PDE1A: variants seen among roughly 807,000 people sequenced by gnomAD.
PDE1A encodes phosphodiesterase 1A, also known as dual specificity calcium/calmodulin-dependent 3',5'-cyclic nucleotide phosphodiesterase 1A.
Under a neutral mutation model 61.7 loss-of-function variants are expected in PDE1A, and 35 were observed. That is an observed-to-expected ratio of 0.57 (90% CI 0.43 to 0.75). The LOEUF (loss-of-function observed/expected upper bound fraction) is 0.75. Ranked by LOEUF, PDE1A falls within the 30% of genes least tolerant of loss-of-function variation. The pLI is 0.00. For synonymous variants in PDE1A, 232 were observed against 213.2 expected (o/e 1.09, Z -0.77); for missense variants, 597 against 630.6 (o/e 0.95, Z 0.57).
At chr2:182,661,650 T>G in the PDE1A span, among the ~76,000 whole-genome samples, 2 of 152,130 alleles carry the variant, frequency 1.3e-5, no homozygotes, top group African/African-American at 2.4e-5. Context: ...TATCAGACAA[T>G]GTGACCACCT....
At chr2:182,320,994 A>G (rs910746746) in intron 1 of PDE1A, among the ~76,000 whole-genome samples, 1 of 152,202 alleles carries the variant, frequency 6.6e-6, no homozygotes, top group Non-Finnish European at 1.5e-5. Flanking sequence ...TAATGTATCT[A>G]TTTACACATT....
chr2:182,212,187 C>A lies in PDE1A; in HGVS notation c.777-6122G>T, dbSNP rs999335424. 5.2e-5 allele frequency among the ~76,000 whole-genome samples: 5 copies of A among 96,772 alleles called. No homozygotes were observed. The East Asian group carries it at 1.7e-3, about 33-fold the overall frequency. The allele number at this position is 96,772 out of a possible 152,430, so 63.5% of individuals were successfully genotyped here. On this transcript the variant is annotated intron_variant, in intron 7 of 13. Transcript: ENST00000351439. ...TTTGAATTATTTACTTTTTAATTGACAATTAAAATTATATATATTACGTAC... is the reference window on the plus strand; with the variant it reads ...TTTGAATTATTTACTTTTTAATTGAAAATTAAAATTATATATATTACGTAC...
chr2:182,607,741 A>C, the PDE1A span, among the ~76,000 whole-genome samples: 2 of 152,344 alleles, frequency 1.3e-5, no homozygotes, highest in African/African-American at 4.8e-5. Context: ...TTACAGGATG[A>C]GTTCTCATAG....
At chr2:182,667,310 A>T in the PDE1A span, among the ~76,000 whole-genome samples, 3 of 152,182 alleles carry the variant, frequency 2.0e-5, no homozygotes, top group Admixed American at 6.5e-5. Flanking sequence ...GCCAGCCTTT[A>T]TAACAAATAT....
chr2:182,633,083 C>A, the PDE1A span, among the ~76,000 whole-genome samples: 2 of 152,068 alleles, frequency 1.3e-5, no homozygotes, highest in Non-Finnish European at 2.9e-5. Context: ...TTTGCTCCAA[C>A]CAAAACAAAG....
the PDE1A span, among the ~76,000 whole-genome samples, chr2:182,688,043 T>C: frequency 6.6e-6 from 1 of 152,158 alleles, no homozygotes; most frequent in African/African-American, 2.4e-5. Flanking sequence ...AGACCAAATC[T>C]AGGTCTGACT....
intron 13 of PDE1A, among the ~76,000 whole-genome samples, chr2:182,156,366 C>T (rs1159755417): frequency 1.3e-5 from 2 of 150,838 alleles, no homozygotes; most frequent in East Asian, 1.9e-4. Context: ...TTTTTTTTTA[C>T]CCAAGGTCAT....
chr2:182,205,816 T>A (rs576681136), intron 8 of PDE1A, 124 bp downstream of exon 8: 1 of 784,470 alleles, frequency 1.3e-6, no homozygotes, highest in Non-Finnish European at 2.0e-6. Context: ...AGTCATCCAG[T>A]CGACAGTAAT....
chr2:182,344,148 A>T (rs1400773919), intron 1 of PDE1A, among the ~76,000 whole-genome samples: 1 of 152,176 alleles, frequency 6.6e-6, no homozygotes, highest in Non-Finnish European at 1.5e-5. Context: ...CTGGTATTAC[A>T]GGCATGAGAA....
intron 2 of PDE1A, among the ~76,000 whole-genome samples, chr2:182,244,861 TTGTATGTC>T (rs1690833746): frequency 6.6e-6 from 1 of 152,216 alleles, no homozygotes; most frequent in Non-Finnish European, 1.5e-5. Context: ...ATGAGTTCAG[TTGTATGTC>T]TCTGTGTGCA....
chr2:182,614,166 C>T, the PDE1A span, among the ~76,000 whole-genome samples: 1 of 152,176 alleles, frequency 6.6e-6, no homozygotes, highest in Non-Finnish European at 1.5e-5. Context: ...AACCTACATA[C>T]TTATTAAGGT....
In PDE1A at chr2:182,140,518, G is replaced by A. The variant is rs1337560741; in HGVS notation, c.*2564C>T. On this transcript the variant is annotated 3_prime_UTR_variant, in exon 15 of 15. Coordinates refer to the PDE1A transcript ENST00000435564. ...AATATGATTTATTTAGCAATCACATGTAATAAGAAACACAGAAAAATACAG... is the reference window on the plus strand; with the variant it reads ...AATATGATTTATTTAGCAATCACATATAATAAGAAACACAGAAAAATACAG... 1.1e-4 allele frequency: 16 copies of A among 152,122 alleles called. 1 individual carries two copies. Among genetic ancestry groups the A allele is most frequent in the Admixed American group, 1.0e-3 (16 of 15,266 alleles). The allele number at this position is 152,122 out of a possible 1,614,324, so 9.4% of individuals were successfully genotyped here. A position where few individuals can be genotyped will look rare whatever the true frequency, so the allele number is the denominator to read the frequency against.
chr2:182,286,092 C>T (rs1419285888), intron 1 of PDE1A, among the ~76,000 whole-genome samples: 1 of 152,054 alleles, frequency 6.6e-6, no homozygotes, highest in African/African-American at 2.4e-5. Flanking sequence ...AGTATGAGCC[C>T]AATTAATGCT....
At chr2:182,545,112 AG>A in the PDE1A span, among the ~76,000 whole-genome samples, 1 of 152,204 alleles carries the variant, frequency 6.6e-6, no homozygotes, top group East Asian at 1.9e-4. Flanking sequence ...TGTATTCACT[AG>A]GAAAATTCAA....
At chr2:182,702,318 G>A in the PDE1A span, among the ~76,000 whole-genome samples, 238 of 152,226 alleles carry the variant, frequency 1.6e-3, 1 homozygote, top group Non-Finnish European at 2.3e-3. Context: ...TTGCCAGCTG[G>A]TCTCGAACTC....
chr2:182,288,298 C>G (rs1694299835), intron 1 of PDE1A, among the ~76,000 whole-genome samples: 1 of 152,024 alleles, frequency 6.6e-6, no homozygotes, highest in Non-Finnish European at 1.5e-5. Flanking sequence ...ATTACTTTCC[C>G]CAAATCAGAA....
chr2:182,571,556 A>G, the PDE1A span, among the ~76,000 whole-genome samples: 75 of 152,228 alleles, frequency 4.9e-4, no homozygotes, highest in Non-Finnish European at 8.4e-4. Context: ...AAAAATTGGT[A>G]AAATACAAGA....
the PDE1A span, among the ~76,000 whole-genome samples, chr2:182,572,716 A>C: frequency 6.6e-6 from 1 of 151,990 alleles, no homozygotes; most frequent in East Asian, 1.9e-4. Flanking sequence ...TAAAAATACA[A>C]AAAATTAGCC....
chr2:182,555,907 C>T, the PDE1A span, among the ~76,000 whole-genome samples: 1 of 123,764 alleles, frequency 8.1e-6, no homozygotes, highest in Non-Finnish European at 1.6e-5. Flanking sequence ...GCAGAGGTTG[C>T]AGTAAGCCGA....
Sources: allele counts gnomAD v4.1 joint callset (sites outside exome capture counted in the v4.1 genomes callset), GRCh38; gene constraint gnomAD v4.1.1; transcripts MANE v1.5; gene names NCBI Gene and HGNC (gene_info 2026-07-23, HGNC 2026-07-21).